Variants in ZNF33A observed in about 807,000 individuals in gnomAD.
ZNF33A encodes brain my041 protein.
Under a neutral mutation model 15.9 loss-of-function variants are expected in ZNF33A, and 9 were observed. The ratio of observed to expected loss-of-function variants is 0.57; its 90% CI spans 0.34 to 0.99. ZNF33A has a LOEUF of 0.99. Ranked by LOEUF, ZNF33A falls within the 50% of genes least tolerant of loss-of-function variation. The pLI, the probability that ZNF33A is intolerant of heterozygous loss-of-function variation, is 0.02. For missense variants in ZNF33A, 843 were observed against 941.6 expected (o/e 0.90, Z 1.37); for synonymous variants, 294 against 324.2 (o/e 0.91, Z 1.00).
rs1353596875 is a variant in ZNF33A at position 38,059,667 on chromosome 10, T to C, written c.*3107T>C. The C allele has an allele frequency of 6.6e-6, 1 of 152,160 alleles. No homozygotes were observed. The highest frequency in any genetic ancestry group is 2.4e-5 in the African/African-American group (1 of 41,432). The allele number at this position is 152,160 out of a possible 1,614,324, so 9.4% of individuals were successfully genotyped here. ...TGACATTTTGGGAGAGGCAAAACTATTGAGCCAGTGAAAGGACCAGTGGTT... is the reference window on the plus strand; with the variant it reads ...TGACATTTTGGGAGAGGCAAAACTACTGAGCCAGTGAAAGGACCAGTGGTT... On this transcript the variant is annotated 3_prime_UTR_variant, in exon 5 of 5. Coordinates refer to ENST00000432900, the MANE Select transcript of ZNF33A (RefSeq NM_006954.2).
rs35770536 is a variant in ZNF33A at position 38,044,208 on chromosome 10, CTTTT to C, written c.251-10154_251-10151del. Among the ~76,000 whole-genome samples, 9 of 136,022 alleles carry C rather than the reference CTTTT, an allele frequency of 6.6e-5. No homozygotes were observed. In the South Asian group the frequency reaches 1.4e-3, roughly 21 times the overall value. The allele number at this position is 136,022 out of a possible 152,430, so 89.2% of individuals were successfully genotyped here. ...CTACAACCTTTCTTTTCTTTTCTTT[CTTTT>C]TTTTTTTTTTTTGAGATGGAGTTTC... On this transcript the variant is annotated intron_variant, in intron 4 of 4. Transcript: ENST00000432900.
In ZNF33A at chr10:38,054,946, C is replaced by T. The variant is rs756901312; in HGVS notation, c.822C>T (p.His274=). The T allele has an allele frequency of 1.2e-6, 2 of 1,614,048 alleles. No individual in the cohort carries two copies. The highest frequency in any genetic ancestry group is 1.7e-6 in the Non-Finnish European group (2 of 1,179,990). ...FHQISPSRDN[H]YEFSDCEKFL... is the part of the protein sequence containing the mutation. The stretch of plus-strand genomic sequence containing the variant: ...AGATATCTCCGTCAAGGGACAATCA[C>T]TATGAATTTAGTGATTGTGAGAAGT... The change falls in exon 5 of 5, where the codon CAC becomes CAT. Residue 274 remains histidine (H), a synonymous_variant. Coordinates refer to ENST00000432900, the MANE Select transcript of ZNF33A (RefSeq NM_006954.2).
In ZNF33A at chr10:38,058,889, T is replaced by C. The variant is rs1487248690; in HGVS notation, c.*2329T>C. 1 of 152,042 alleles carries C rather than the reference T, an allele frequency of 6.6e-6. No individual in the cohort carries two copies. Among genetic ancestry groups the C allele is most frequent in the African/African-American group, 2.4e-5 (1 of 41,408 alleles). 9.4% of individuals were successfully genotyped at this position (152,042 alleles called of 1,614,324 possible). On this transcript the variant is annotated 3_prime_UTR_variant, in exon 5 of 5. Coordinates refer to ENST00000432900, the MANE Select transcript of ZNF33A (RefSeq NM_006954.2). ...AGTCTCTACCATCTCTTTCAGAAAATAAAAGCAGAGATAACACTTCCCAAC... is the reference window on the plus strand; with the variant it reads ...AGTCTCTACCATCTCTTTCAGAAAACAAAAGCAGAGATAACACTTCCCAAC...
chr10:38,014,560 C>CT (rs2064358241), intron 2 of ZNF33A, among the ~76,000 whole-genome samples: 1 of 152,112 alleles, frequency 6.6e-6, no homozygotes, highest in South Asian at 2.1e-4. Context: ...TGTCAGATTC[C>CT]TTTTTTCATG....
In ZNF33A at chr10:38,055,373, G is replaced by C; in HGVS notation, c.1249G>C (p.Ala417Pro). Residue 417 changes from alanine (A) to proline (P), a missense_variant, in exon 5 of 5, where the codon GCG (alanine) becomes CCG (proline). By Grantham distance (27) the Ala-to-Pro change is conservative (BLOSUM62 -1). Transcript: ENST00000432900. ...AGGGGAGAAACCCTATCAATGTAAT[G>C]CGTGTGGGAAAACTTTTTGCCAGAA... is the stretch of plus-strand genomic sequence containing the variant. The part of the protein sequence containing the change: ...HTGEKPYQCN[A>P]CGKTFCQKSD... The C allele has an allele frequency of 1.9e-6, 3 of 1,614,084 alleles. No individual in the cohort carries two copies. The highest frequency in any genetic ancestry group is 2.5e-6 in the Non-Finnish European group (3 of 1,180,006).
rs368222996 is a variant in ZNF33A, at chr10:38,054,873, A to G, written c.749A>G (p.Asn250Ser). The change falls in exon 5 of 5, where the codon AAT becomes AGT. Residue 250 changes from asparagine to serine, a missense_variant. Physicochemically the swap from Asn to Ser is conservative, Grantham distance 46. Coordinates refer to ENST00000432900, the MANE Select transcript of ZNF33A (RefSeq NM_006954.2). Reference sequence around the variant, plus strand: ...GCAGAAGAGAATAACTGTGATTATAATGAATTTGGGAGAACTTTGTGTGAT... The same window carrying G: ...GCAGAAGAGAATAACTGTGATTATAGTGAATTTGGGAGAACTTTGTGTGAT... ...ENAEENNCDY[N>S]EFGRTLCDSS... 1.6e-5 allele frequency: 26 copies of G among 1,613,548 alleles called. No individual in the cohort carries two copies. The highest frequency in any genetic ancestry group is 2.1e-5 in the Non-Finnish European group (25 of 1,179,980).
In ZNF33A at chr10:38,012,353, A is replaced by G. The variant is rs1209185009; in HGVS notation, c.9+3A>G. Reference sequence around the variant, plus strand: ...AAGAACAGAACAAAATGAACAAGGTAAGTTGTTTATTAATTCCCTACTTTA... The same window carrying G: ...AAGAACAGAACAAAATGAACAAGGTGAGTTGTTTATTAATTCCCTACTTTA... On this transcript the variant is annotated splice_donor_region_variant and intron_variant, in intron 2 of 4. Transcript: ENST00000432900. The G allele has an allele frequency of 1.2e-6, 2 of 1,612,640 alleles. No individual in the cohort carries two copies. Among genetic ancestry groups the G allele is most frequent in the East Asian group, 4.5e-5 (2 of 44,836 alleles).
intron 4 of ZNF33A, among the ~76,000 whole-genome samples, chr10:38,018,240 AAAG>A (rs1366371140): frequency 7.2e-5 from 11 of 152,272 alleles, no homozygotes; most frequent in African/African-American, 2.7e-4. Context: ...GTGGTACTTT[AAAG>A]AACAGTCAGG....
chr10:38,027,212 T>C (rs959306663), intron 4 of ZNF33A, among the ~76,000 whole-genome samples: 21 of 152,084 alleles, frequency 1.4e-4, no homozygotes, highest in African/African-American at 4.3e-4. Context: ...GATTTTCTTA[T>C]GTTGAACCAC....
At position 38,048,635 on chromosome 10, in the gene ZNF33A, G is replaced by A. The variant is rs146756889; in HGVS notation, c.251-5740G>A. Among the ~76,000 whole-genome samples the A allele has an allele frequency of 4.0e-3, 602 of 152,276 alleles. 7 individuals carry two copies. Among genetic ancestry groups the A allele is most frequent in the African/African-American group, 0.014 (574 of 41,566 alleles). On this transcript the variant is annotated intron_variant, in intron 4 of 4. Coordinates refer to ENST00000432900, the MANE Select transcript of ZNF33A (RefSeq NM_006954.2). ...ATTATTCACAAGGCTGCAGTGATGTGACAGCCAGATGAAATAGCTTTCAGA... is the reference window on the plus strand; with the variant it reads ...ATTATTCACAAGGCTGCAGTGATGTAACAGCCAGATGAAATAGCTTTCAGA...
chr10:38,061,342 A>T (rs376206142), downstream of ZNF33A, among the ~76,000 whole-genome samples: 3 of 152,144 alleles, frequency 2.0e-5, no homozygotes, highest in African/African-American at 7.2e-5. Flanking sequence ...GAGTGTCAAG[A>T]TGCACATGCA....
rs563377070 is a variant in ZNF33A, at chr10:38,019,470, G to A, written c.250+2084G>A. On this transcript the variant is annotated intron_variant, in intron 4 of 4. Coordinates refer to ENST00000432900, the MANE Select transcript of ZNF33A (RefSeq NM_006954.2). Reference sequence around the variant, plus strand: ...TACGTGTGCATGTGTCTTTATAGCAGCATGATTTATAATAAAATTTTCAAA... The same window carrying A: ...TACGTGTGCATGTGTCTTTATAGCAACATGATTTATAATAAAATTTTCAAA... Among the ~76,000 whole-genome samples the A allele has an allele frequency of 5.3e-5, 8 of 152,288 alleles. No homozygotes were observed. In the East Asian group the frequency reaches 1.2e-3, roughly 22 times the overall value.
In ZNF33A at chr10:38,057,936, G is replaced by A; in HGVS notation, c.*1376G>A. 1.0e-6 allele frequency: 1 copy of A among 985,452 alleles called. No individual in the cohort carries two copies. Among genetic ancestry groups the A allele is most frequent in the Non-Finnish European group, 1.2e-6 (1 of 829,970 alleles). The allele number at this position is 985,452 out of a possible 1,614,324, so 61.0% of individuals were successfully genotyped here. The stretch of plus-strand genomic sequence containing the variant: ...CAGACTTTTGAGAATATGAAGAGGA[G>A]GGTTGAGGCTGGAGCAGAACCAGAA... On this transcript the variant is annotated 3_prime_UTR_variant, in exon 5 of 5. Coordinates refer to ENST00000432900, the MANE Select transcript of ZNF33A (RefSeq NM_006954.2).
In ZNF33A at chr10:38,018,668, G is replaced by T. The variant is rs140353921; in HGVS notation, c.250+1282G>T. ...GTAGTTTTCCTTATGAGTGATTGTG[G>T]TAGCTTAGACAGAGCCGGAAGGCAG... is the stretch of plus-strand genomic sequence containing the variant. On this transcript the variant is annotated intron_variant, in intron 4 of 4. Transcript: ENST00000432900. Among the ~76,000 whole-genome samples, 1,362 of 152,274 alleles carry T rather than the reference G, an allele frequency of 8.9e-3. 22 individuals carry two copies. Among genetic ancestry groups the T allele is most frequent in the African/African-American group, 0.031 (1,303 of 41,536 alleles).
rs756084178 is a variant in ZNF33A at position 38,055,764 on chromosome 10, A to T, written c.1640A>T (p.His547Leu). ...GACCTCACAGTACATCAGAGAACAC[A>T]CACAGGGCAGAAACCCTTTGCATGT... ...KSDLTVHQRT[H>L]TGQKPFACPE... Residue 547 changes from histidine to leucine, a missense_variant, in exon 5 of 5, where the codon CAC (histidine) becomes CTC (leucine). Coordinates refer to ENST00000432900, the MANE Select transcript of ZNF33A (RefSeq NM_006954.2). 1.9e-6 allele frequency: 3 copies of T among 1,581,118 alleles called. No individual in the cohort carries two copies. The African/African-American group carries it at 4.1e-5, about 21-fold the overall frequency.
intron 4 of ZNF33A, among the ~76,000 whole-genome samples, chr10:38,050,323 G>A (rs1187806085): frequency 5.3e-5 from 8 of 152,270 alleles, no homozygotes; most frequent in African/African-American, 1.9e-4. Context: ...TTAATCCCTG[G>A]CAGGCTTTTT....
At chr10:38,037,414 C>T (rs2065501597) in intron 4 of ZNF33A, among the ~76,000 whole-genome samples, 1 of 152,020 alleles carries the variant, frequency 6.6e-6, no homozygotes, top group Non-Finnish European at 1.5e-5. Flanking sequence ...ACCTCTGCCC[C>T]CTGGGTTCAC....
At chr10:38,065,409 G>T (rs1342406168), downstream of ZNF33A, among the ~76,000 whole-genome samples, 1 of 152,108 alleles carries the variant, frequency 6.6e-6, no homozygotes, top group Non-Finnish European at 1.5e-5. Context: ...TTTCATGTGG[G>T]GACTTGATAA....
Position 38,054,150 on chromosome 10 carries a change from CCT to C in ZNF33A, c.251-220_251-219del, listed in dbSNP as rs199554055. The stretch of plus-strand genomic sequence containing the variant: ...AATGTGTGCCTTCAATAGTTAAATT[CCT>C]CTCTGTTTTTCCACTAGCCTAGGAC... On this transcript the variant is annotated intron_variant, in intron 4 of 4. Coordinates refer to ENST00000432900, the MANE Select transcript of ZNF33A (RefSeq NM_006954.2). 1.2e-4 allele frequency among the ~76,000 whole-genome samples: 18 copies of C among 152,232 alleles called. No individual in the cohort carries two copies. The East Asian group carries it at 2.7e-3, about 23-fold the overall frequency.
Sources: gnomAD v4.1 joint callset for allele counts (sites outside exome capture counted in the v4.1 genomes callset) on GRCh38, gnomAD v4.1.1 for gene constraint, MANE v1.5 for transcripts, NCBI Gene and HGNC (gene_info 2026-07-23, HGNC 2026-07-21) for gene names.